TASOR: variants seen among roughly 807,000 people sequenced by gnomAD.
The protein encoded by TASOR is protein TASOR.
In TASOR, 53 loss-of-function variants were observed where a neutral mutation model predicts 178.6. That is an observed-to-expected ratio of 0.30 (90% CI 0.24 to 0.37). The LOEUF (loss-of-function observed/expected upper bound fraction) is 0.37. TASOR is among the 10% of genes least tolerant of loss of function. The pLI is 1.00. For synonymous variants in TASOR, 713 were observed against 696.2 expected (o/e 1.02, Z -0.38); for missense variants, 1,815 against 1,971.4 (o/e 0.92, Z 1.50).
intron 11 of TASOR, among the ~76,000 whole-genome samples, chr3:56,658,615 G>T (rs1442716911): frequency 2.6e-5 from 4 of 152,204 alleles, no homozygotes; most frequent in Non-Finnish European, 5.9e-5. Flanking sequence ...TTCATATGCA[G>T]TGAGAAAGTA....
chr3:56,634,373 C>T (rs2076975489), intron 17 of TASOR, among the ~76,000 whole-genome samples: 1 of 152,160 alleles, frequency 6.6e-6, no homozygotes, highest in African/African-American at 2.4e-5. Flanking sequence ...ATGGTAATGG[C>T]CCCTTAGTAA....
At chr3:56,654,779 G>C (rs903712157) in intron 11 of TASOR, among the ~76,000 whole-genome samples, 1 of 152,182 alleles carries the variant, frequency 6.6e-6, no homozygotes, top group African/African-American at 2.4e-5. Context: ...CTTCAGACTT[G>C]AACTGAAACA....
intron 6 of TASOR, among the ~76,000 whole-genome samples, chr3:56,667,490 TAA>T (rs542212239): frequency 6.6e-6 from 1 of 151,284 alleles, no homozygotes; most frequent in South Asian, 2.1e-4. Context: ...CCATCTCTAC[TAA>T]AAAAAATACA....
In TASOR at chr3:56,621,294, G is replaced by C; in HGVS notation, c.*1743C>G. On this transcript the variant is annotated 3_prime_UTR_variant, in exon 24 of 24. Coordinates refer to ENST00000683822, the MANE Select transcript of TASOR (RefSeq NM_001365635.2). Reference sequence around the variant, plus strand: ...TTTACCCCCATAGTTATGGAGTCTTGAGTTCTAAGAAAATTTTCATCCCTA... The same window carrying C: ...TTTACCCCCATAGTTATGGAGTCTTCAGTTCTAAGAAAATTTTCATCCCTA... 3.1e-6 allele frequency: 1 copy of C among 327,540 alleles called. No individual in the cohort carries two copies. Among genetic ancestry groups the C allele is most frequent in the Non-Finnish European group, 5.6e-6 (1 of 179,594 alleles). 20.3% of individuals were successfully genotyped at this position (327,540 alleles called of 1,614,324 possible). A position where few individuals can be genotyped will look rare whatever the true frequency, so the allele number is the denominator to read the frequency against.
chr3:56,651,750 C>CAA (rs1455371300), intron 11 of TASOR, among the ~76,000 whole-genome samples: 1 of 148,338 alleles, frequency 6.7e-6, no homozygotes, highest in Non-Finnish European at 1.5e-5. Context: ...TGAGATTCAG[C>CAA]AGAAAAAAAA....
Position 56,660,775 on chromosome 3 carries a change from T to C in TASOR, c.1324A>G (p.Ser442Gly). Reference sequence around the variant, plus strand: ...TTTTGCAGTAAACTCTCCATGTTACTTCCAATTCTTGTCTTTTCCACAACT... The same window carrying C: ...TTTTGCAGTAAACTCTCCATGTTACCTCCAATTCTTGTCTTTTCCACAACT... Reference protein sequence around the residue: ...YEVVEKTRIGSNMESLLQKLD... With the variant: ...YEVVEKTRIGGNMESLLQKLD... Residue 442 changes from serine (S) to glycine (G), a missense_variant, in exon 11 of 24, where the codon AGT (serine) becomes GGT (glycine). Ser to Gly is a moderately conservative substitution (Grantham distance 56). Around this residue, in one of 5 missense-constraint regions of TASOR, gnomAD observed 504 missense variants for 645.3 expected, o/e 0.78. Coordinates refer to ENST00000683822, the MANE Select transcript of TASOR (RefSeq NM_001365635.2). 1.9e-6 allele frequency: 3 copies of C among 1,613,786 alleles called. No individual in the cohort carries two copies. The highest frequency in any genetic ancestry group is 1.7e-6 in the Non-Finnish European group (2 of 1,179,978).
rs939517976 is a variant in TASOR, at chr3:56,621,319, A to T, written c.*1718T>A. ...GAGTTCTAAGAAAATTTTCATCCCT[A>T]TTGATTTTTATGCTAAAAACAGAAT... On this transcript the variant is annotated 3_prime_UTR_variant, in exon 24 of 24. Coordinates refer to ENST00000683822, the MANE Select transcript of TASOR (RefSeq NM_001365635.2). The T allele has an allele frequency of 6.0e-5, 22 of 366,134 alleles. No homozygotes were observed. Among genetic ancestry groups the T allele is most frequent in the African/African-American group, 4.6e-4 (22 of 47,682 alleles). 22.7% of individuals were successfully genotyped at this position (366,134 alleles called of 1,614,324 possible). A position where few individuals can be genotyped will look rare whatever the true frequency, so the allele number is the denominator to read the frequency against.
At chr3:56,631,864 T>A (rs1477549829) in intron 18 of TASOR, among the ~76,000 whole-genome samples, 1 of 152,164 alleles carries the variant, frequency 6.6e-6, no homozygotes, top group Non-Finnish European at 1.5e-5. Context: ...ATTACAGGCG[T>A]GAGCCACCAC....
intron 2 of TASOR, among the ~76,000 whole-genome samples, chr3:56,672,729 C>G (rs1195983331): frequency 6.6e-6 from 1 of 152,074 alleles, no homozygotes; most frequent in Non-Finnish European, 1.5e-5. Flanking sequence ...ACAAACACAC[C>G]CATATATTTG....
chr3:56,642,810 T>C lies in TASOR; in HGVS notation c.2216-1058A>G, dbSNP rs2077153210. Reference sequence around the variant, plus strand: ...TAACAAGGTGAAACCCCGTCTCTACTAAAAAAATACAAAAAATTCGCTGGG... The same window carrying C: ...TAACAAGGTGAAACCCCGTCTCTACCAAAAAAATACAAAAAATTCGCTGGG... On this transcript the variant is annotated intron_variant, in intron 14 of 23. Transcript: ENST00000683822. 2.6e-5 allele frequency among the ~76,000 whole-genome samples: 4 copies of C among 151,958 alleles called. No homozygotes were observed. The South Asian group carries it at 8.3e-4, about 32-fold the overall frequency.
chr3:56,669,485 C>A (rs879466904), intron 5 of TASOR, among the ~76,000 whole-genome samples: 1 of 151,930 alleles, frequency 6.6e-6, no homozygotes, highest in South Asian at 2.1e-4. Context: ...CCAGCCTGGG[C>A]AACAGAGCGA....
intron 1 of TASOR, among the ~76,000 whole-genome samples, chr3:56,680,813 C>T (rs2031716297): frequency 6.6e-6 from 1 of 152,028 alleles, no homozygotes; most frequent in Non-Finnish European, 1.5e-5. Context: ...TATTTTCCTC[C>T]CAACTTTTGT....
intron 14 of TASOR, 53 bp from the exon 15 acceptor site, chr3:56,641,805 C>T (rs2077130763): frequency 4.6e-6 from 7 of 1,514,726 alleles, no homozygotes; most frequent in Non-Finnish European, 6.2e-6. Flanking sequence ...AAGCATAAAA[C>T]TTTTAAAATC....
chr3:56,682,225 GA>G (rs1207760802), intron 1 of TASOR, among the ~76,000 whole-genome samples: 20 of 152,234 alleles, frequency 1.3e-4, no homozygotes, highest in African/African-American at 4.6e-4. Flanking sequence ...CAGAACTGAA[GA>G]ATTTCCACGG....
intron 11 of TASOR, among the ~76,000 whole-genome samples, chr3:56,653,262 C>CAAAAAAAAAAAAAAAAA (rs1176419181): frequency 1.2e-3 from 6 of 4,972 alleles, no homozygotes; most frequent in Admixed American, 7.5e-3. Flanking sequence ...GACTCCATCT[C>CAAAAAAAAAAAAAAAAA]AAAAAAAAAA....
At chr3:56,626,968 G>A in intron 21 of TASOR, 69 bp downstream of exon 21, 1 of 969,652 alleles carries the variant, frequency 1.0e-6, no homozygotes, top group Non-Finnish European at 1.6e-6. Flanking sequence ...ACAAACATGG[G>A]AAGAGAGAAA....
intron 11 of TASOR, among the ~76,000 whole-genome samples, chr3:56,653,452 A>T (rs1166278419): frequency 7.1e-6 from 1 of 140,302 alleles, no homozygotes; most frequent in Non-Finnish European, 1.6e-5. Context: ...ATCAAAGACC[A>T]AAAAAAAAAA....
intron 21 of TASOR, 87 bp from the exon 22 acceptor site, chr3:56,625,093 C>T: frequency 7.8e-7 from 1 of 1,281,216 alleles, no homozygotes; most frequent in Non-Finnish European, 1.1e-6. Flanking sequence ...TTCAATTTCT[C>T]CACTGAGGCA....
chr3:56,670,526 C>T (rs2030569771), intron 3 of TASOR, among the ~76,000 whole-genome samples: 1 of 152,122 alleles, frequency 6.6e-6, no homozygotes, highest in Non-Finnish European at 1.5e-5. Flanking sequence ...CATTTTTCTT[C>T]ATGCCAGGTG....
Sources: gnomAD v4.1 joint callset for allele counts (sites outside exome capture counted in the v4.1 genomes callset) on GRCh38, gnomAD v4.1.1 for gene constraint, gnomAD v4.1.1 regional missense constraint, MANE v1.5 for transcripts, NCBI Gene and HGNC (gene_info 2026-07-23, HGNC 2026-07-21) for gene names.